The following NAALADL2 variants were observed in gnomAD, a reference collection of about 807,000 sequenced individuals.
NAALADL2 encodes the protein inactive N-acetylated-alpha-linked acidic dipeptidase-like protein 2.
A neutral mutation model predicts 87.2 loss-of-function variants in NAALADL2; 76 were observed. The ratio of observed to expected loss-of-function variants is 0.87; its 90% CI spans 0.72 to 1.05. NAALADL2 has a LOEUF of 1.05. NAALADL2 is among the 50% of genes least tolerant of loss of function. The pLI is 0.00. For missense variants in NAALADL2, 1,089 were observed against 945.8 expected, an observed-to-expected ratio of 1.15 and a Z score of -1.99; for synonymous variants, 354 against 331.0, an observed-to-expected ratio of 1.07 and a Z score of -0.75.
At chr3:175,699,535 C>A (rs1021885171) in intron 11 of NAALADL2, among the ~76,000 whole-genome samples, 7 of 152,058 alleles carry the variant, frequency 4.6e-5, no homozygotes, top group Non-Finnish European at 1.0e-4. Context: ...GCTTCTACCA[C>A]ACTAGCCCTC....
At chr3:175,616,328 TATA>T (rs1725349484) in intron 10 of NAALADL2, among the ~76,000 whole-genome samples, 2 of 149,474 alleles carry the variant, frequency 1.3e-5, no homozygotes, top group Admixed American at 1.3e-4. Flanking sequence ...TCTAAATAAA[TATA>T]ATAAATAACA....
chr3:175,684,706 G>A lies in NAALADL2; in HGVS notation c.1897-52600G>A, dbSNP rs148128339. 1.2e-4 allele frequency among the ~76,000 whole-genome samples: 19 copies of A among 152,216 alleles called. No homozygotes were observed. The East Asian group carries it at 3.7e-3, about 29-fold the overall frequency. Reference sequence around the variant, plus strand: ...TAGTCCCAGCTACTCGGGAGGCTGAGGGAAGAGAATCACTTGAGCCCGGGA... The same window carrying A: ...TAGTCCCAGCTACTCGGGAGGCTGAAGGAAGAGAATCACTTGAGCCCGGGA... On this transcript the variant is annotated intron_variant, in intron 11 of 13. Transcript: ENST00000454872.
At chr3:175,273,286 C>T (rs919041756) in intron 4 of NAALADL2, among the ~76,000 whole-genome samples, 2 of 152,110 alleles carry the variant, frequency 1.3e-5, no homozygotes, top group Non-Finnish European at 2.9e-5. Context: ...TATCTCCACA[C>T]ATATGCCTAC....
chr3:174,889,395 G>A (rs1252639425), intron 1 of NAALADL2, among the ~76,000 whole-genome samples: 2 of 152,098 alleles, frequency 1.3e-5, no homozygotes, highest in African/African-American at 4.8e-5. Flanking sequence ...ACAAAAGGAT[G>A]TGGGATTTAC....
At chr3:174,912,240 G>A (rs1281960635) in intron 1 of NAALADL2, among the ~76,000 whole-genome samples, 1 of 152,014 alleles carries the variant, frequency 6.6e-6, no homozygotes, top group Non-Finnish European at 1.5e-5. Context: ...TTTGCATGCT[G>A]TTCTCAACCT....
At chr3:175,051,202 A>G (rs1332985334) in intron 1 of NAALADL2, among the ~76,000 whole-genome samples, 2 of 152,206 alleles carry the variant, frequency 1.3e-5, no homozygotes, top group South Asian at 4.1e-4. Context: ...CTTTTCATTT[A>G]CACTTAGAGC....
intron 3 of NAALADL2, among the ~76,000 whole-genome samples, chr3:174,770,432 A>G (rs1391184020): frequency 6.6e-6 from 1 of 152,158 alleles, no homozygotes; most frequent in African/African-American, 2.4e-5. Context: ...CTCATTTGTG[A>G]ATAGGTATGA....
intron 13 of NAALADL2, chr3:175,775,086 TAAGGCC>T (rs1332504509): frequency 6.8e-6 from 1 of 146,826 alleles, no homozygotes; most frequent in Non-Finnish European, 1.5e-5. Context: ...CAGAAAGTAG[TAAGGCC>T]TTTTTTTTTT....
intron 2 of NAALADL2, among the ~76,000 whole-genome samples, chr3:174,553,368 G>A (rs1712381195): frequency 6.6e-6 from 1 of 152,088 alleles, no homozygotes; most frequent in Non-Finnish European, 1.5e-5. Context: ...GAAGAAAACT[G>A]GAAGTGACCA....
intron 3 of NAALADL2, among the ~76,000 whole-genome samples, chr3:174,802,539 T>G (rs2109256349): frequency 6.6e-6 from 1 of 152,286 alleles, no homozygotes; most frequent in South Asian, 2.1e-4. Flanking sequence ...ATGTGCAAGT[T>G]TGTTACATAG....
At chr3:175,091,926 G>T (rs1008580668) in intron 1 of NAALADL2, among the ~76,000 whole-genome samples, 17 of 151,842 alleles carry the variant, frequency 1.1e-4, no homozygotes, top group African/African-American at 3.9e-4. Context: ...CCAGTTCTTT[G>T]TTATTAAAGC....
At chr3:174,694,774 G>A (rs1463450468) in intron 2 of NAALADL2, among the ~76,000 whole-genome samples, 1 of 151,914 alleles carries the variant, frequency 6.6e-6, no homozygotes, top group South Asian at 2.1e-4. Context: ...TATTTTTAGT[G>A]TGTTTTTATG....
At chr3:175,582,667 G>C (rs1480640805) in intron 10 of NAALADL2, among the ~76,000 whole-genome samples, 2 of 152,190 alleles carry the variant, frequency 1.3e-5, no homozygotes, top group African/African-American at 4.8e-5. Flanking sequence ...AGCACTTGCT[G>C]TGATCCAGGC....
intron 3 of NAALADL2, among the ~76,000 whole-genome samples, chr3:174,804,964 A>C (rs1410683474): frequency 6.6e-6 from 1 of 152,190 alleles, no homozygotes; most frequent in Non-Finnish European, 1.5e-5. Flanking sequence ...TTTGGCAAGT[A>C]GTTCAGCAAG....
intron 2 of NAALADL2, among the ~76,000 whole-genome samples, chr3:174,641,962 T>G (rs756504256): frequency 2.6e-5 from 4 of 152,084 alleles, no homozygotes; most frequent in African/African-American, 4.8e-5. Context: ...TTTCACCATG[T>G]TGGCCAGGCT....
At chr3:174,493,164 C>A (rs895559187) in intron 1 of NAALADL2, among the ~76,000 whole-genome samples, 9 of 152,066 alleles carry the variant, frequency 5.9e-5, no homozygotes, top group African/African-American at 2.2e-4. Context: ...TGTTCTCTCC[C>A]AAAAAATTCA....
intron 2 of NAALADL2, among the ~76,000 whole-genome samples, chr3:174,554,922 G>T (rs987874347): frequency 2.0e-5 from 3 of 152,188 alleles, no homozygotes; most frequent in African/African-American, 7.2e-5. Flanking sequence ...GTCTTGTGAA[G>T]TCCCATTTCT....
chr3:174,708,856 T>A (rs1365519502), intron 2 of NAALADL2, among the ~76,000 whole-genome samples: 2 of 152,186 alleles, frequency 1.3e-5, no homozygotes, highest in African/African-American at 4.8e-5. Context: ...TTTTCCATGA[T>A]TAAATTTTCA....
intron 3 of NAALADL2, among the ~76,000 whole-genome samples, chr3:174,852,033 C>T (rs954824370): frequency 2.0e-5 from 3 of 152,090 alleles, no homozygotes; most frequent in Admixed American, 6.6e-5. Context: ...AACATACCTT[C>T]ATGAGAAAAA....
Sources: gnomAD v4.1 joint callset for allele counts (sites outside exome capture counted in the v4.1 genomes callset) on GRCh38, gnomAD v4.1.1 for gene constraint, MANE v1.5 for transcripts, NCBI Gene and HGNC (gene_info 2026-07-23, HGNC 2026-07-21) for gene names.